FAAH2: variants seen among roughly 807,000 people sequenced by gnomAD.
FAAH2 encodes fatty acid amide hydrolase 2.
Under a neutral mutation model 36.9 loss-of-function variants are expected in FAAH2, and 60 were observed. The ratio of observed to expected loss-of-function variants is 1.63; its 90% CI spans 1.32 to 2.02. The LOEUF (loss-of-function observed/expected upper bound fraction) is 2.02, where lower values mean the gene tolerates loss of function less well. Ranked by LOEUF, FAAH2 falls within the 30% of genes most tolerant of loss-of-function variation. The probability of loss-of-function intolerance (pLI) is 0.00; values close to 1 mark genes in which losing one functional copy is unlikely to be tolerated. For missense variants in FAAH2, 689 were observed against 397.5 expected (o/e 1.73, Z -6.23); for synonymous variants, 214 against 143.8 (o/e 1.49, Z -3.49).
chrX:57,467,142 G>T (rs893854294), intron 10 of FAAH2, among the ~76,000 whole-genome samples: 1 of 111,182 alleles, frequency 9.0e-6, no homozygotes, highest in Non-Finnish European at 1.9e-5. Flanking sequence ...GGCCAAATAG[G>T]AACAGCTCCA....
intron 7 of FAAH2, among the ~76,000 whole-genome samples, chrX:57,388,466 G>T (rs2055081533): frequency 9.0e-6 from 1 of 111,146 alleles, no homozygotes; most frequent in Admixed American, 9.6e-5. Flanking sequence ...TGTGCTGTTG[G>T]ATTTTTTTAT....
At position 57,446,977 on chromosome X, in the gene FAAH2, G is replaced by T. The variant is rs752160314; in HGVS notation, c.1166G>T (p.Ser389Ile). The change falls in exon 9 of 11, where the codon AGT becomes ATT. Residue 389 changes from serine (S) to isoleucine (I), a missense_variant. Ser to Ile is a moderately radical substitution (Grantham distance 142). Transcript: ENST00000374900. ...CTTGGTGACCATGGGAAACATGTCA[G>T]TCCTCTGTGGGAGTTGATCAAATGG... ...DLLGDHGKHV[S>I]PLWELIKWCL... 5.8e-6 allele frequency: 7 copies of T among 1,208,392 alleles called. No individual in the cohort carries two copies. The South Asian group carries it at 8.8e-5, about 15-fold the overall frequency.
intron 3 of FAAH2, among the ~76,000 whole-genome samples, chrX:57,323,890 A>G (rs751197380): frequency 4.5e-5 from 5 of 110,322 alleles, no homozygotes; most frequent in African/African-American, 9.9e-5. Flanking sequence ...ATTGCTTTTC[A>G]TGTTTTAGAC....
At chrX:57,196,233 C>A in the FAAH2 span, among the ~76,000 whole-genome samples, 1 of 111,461 alleles carries the variant, frequency 9.0e-6, no homozygotes, top group African/African-American at 3.3e-5. Flanking sequence ...CATCCATGAA[C>A]ATTTCAGCAG....
chrX:57,192,094 A>G, the FAAH2 span, among the ~76,000 whole-genome samples: 1 of 111,995 alleles, frequency 8.9e-6, no homozygotes, highest in East Asian at 2.8e-4. Flanking sequence ...TTGGCCCTTC[A>G]AATCCACATG....
At chrX:57,123,560 A>T in the FAAH2 span, among the ~76,000 whole-genome samples, 45,615 of 110,837 alleles carry the variant, frequency 0.41, 8,885 homozygotes, top group African/African-American at 0.75. Context: ...TAATTCTAGA[A>T]CCCTGAGGAA....
chrX:57,189,093 C>CT, the FAAH2 span, among the ~76,000 whole-genome samples: 232 of 110,707 alleles, frequency 2.1e-3, 2 homozygotes, highest in African/African-American at 7.3e-3. Flanking sequence ...CCTTTTAACT[C>CT]TTTTTTCTCT....
At chrX:57,337,301 A>T (rs1420285453) in intron 4 of FAAH2, among the ~76,000 whole-genome samples, 1 of 106,661 alleles carries the variant, frequency 9.4e-6, no homozygotes, top group Non-Finnish European at 1.9e-5. Flanking sequence ...GACCAGATGG[A>T]TTTACAGCTG....
chrX:57,482,709 A>ATTTTTTTTTTT (rs368783162), intron 10 of FAAH2, among the ~76,000 whole-genome samples: 7 of 63,846 alleles, frequency 1.1e-4, no homozygotes, highest in East Asian at 5.3e-4. Flanking sequence ...CATTCCCTCA[A>ATTTTTTTTTTT]TTTTTTTTTT....
the FAAH2 span, among the ~76,000 whole-genome samples, chrX:57,148,801 AT>A: frequency 5.2e-4 from 58 of 111,400 alleles, no homozygotes; most frequent in Middle Eastern, 4.6e-3. Flanking sequence ...CACTAGTTGA[AT>A]AGGAGTGGTG....
intron 5 of FAAH2, among the ~76,000 whole-genome samples, chrX:57,346,288 G>T (rs926307046): frequency 2.7e-5 from 3 of 111,505 alleles, no homozygotes; most frequent in African/African-American, 9.8e-5. Flanking sequence ...CTTGTTTTAT[G>T]AATTTGAGTG....
chrX:57,394,129 A>T, intron 7 of FAAH2: 1 of 709,942 alleles, frequency 1.4e-6, no homozygotes, highest in Admixed American at 2.2e-5. Context: ...TGAGGTGAAG[A>T]TTAAACTCTT....
At chrX:57,445,316 G>C (rs772172573) in intron 8 of FAAH2, among the ~76,000 whole-genome samples, 8 of 111,534 alleles carry the variant, frequency 7.2e-5, no homozygotes, top group African/African-American at 2.3e-4. Flanking sequence ...GGTAAAGTAA[G>C]TCACTCTCTT....
chrX:57,415,137 G>T (rs1452385593), intron 7 of FAAH2, among the ~76,000 whole-genome samples: 1 of 108,022 alleles, frequency 9.3e-6, no homozygotes, highest in African/African-American at 3.4e-5. Context: ...TATTAGTCTG[G>T]CTAGCAGTCT....
rs567234771 is a variant in FAAH2, at chrX:57,299,895, A to G, written c.275+7315A>G. ...AATAAAATACCTAGGAGTCCAACTT[A>G]CAAGGGATGTGAAGGACCTCTTCAA... is the stretch of plus-strand genomic sequence containing the variant. On this transcript the variant is annotated intron_variant, in intron 2 of 10. Transcript: ENST00000374900. Among the ~76,000 whole-genome samples, 203 of 111,642 alleles carry G rather than the reference A, an allele frequency of 1.8e-3. 6 individuals carry two copies. In the South Asian group the frequency reaches 0.07, roughly 38 times the overall value.
intron 7 of FAAH2, chrX:57,392,857 T>C (rs2055199541): frequency 1.4e-6 from 1 of 738,218 alleles, no homozygotes; most frequent in Non-Finnish European, 2.2e-6. Flanking sequence ...GTTTTGGCCA[T>C]GCAGATGGGG....
At chrX:57,340,401 A>T (rs2053657695) in intron 4 of FAAH2, among the ~76,000 whole-genome samples, 1 of 111,625 alleles carries the variant, frequency 9.0e-6, no homozygotes, top group South Asian at 3.8e-4. Context: ...GCATTTTTTG[A>T]TTCAATCAAG....
chrX:57,289,233 C>CT (rs911151169), intron 1 of FAAH2, among the ~76,000 whole-genome samples: 1 of 111,513 alleles, frequency 9.0e-6, no homozygotes, highest in Non-Finnish European at 1.9e-5. Flanking sequence ...TTTGTTGGCA[C>CT]TTTATGGAAG....
chrX:57,474,677 A>G (rs960442109), intron 10 of FAAH2, among the ~76,000 whole-genome samples: 1 of 112,133 alleles, frequency 8.9e-6, no homozygotes, highest in Non-Finnish European at 1.9e-5. Flanking sequence ...ATATGTGTGC[A>G]TGTGTCTTTA....
Sources: gnomAD v4.1 joint callset for allele counts (sites outside exome capture counted in the v4.1 genomes callset) on GRCh38, gnomAD v4.1.1 for gene constraint, MANE v1.5 for transcripts, NCBI Gene and HGNC (gene_info 2026-07-23, HGNC 2026-07-21) for gene names.